Variants in SLCO5A1 observed in about 807,000 individuals in gnomAD.
SLCO5A1 encodes solute carrier organic anion transporter family member 5A1.
Under a neutral mutation model 65.1 loss-of-function variants are expected in SLCO5A1, and 39 were observed. The ratio of observed to expected loss-of-function variants is 0.60; its 90% CI spans 0.46 to 0.78. The LOEUF (loss-of-function observed/expected upper bound fraction) is 0.78. SLCO5A1 is among the 30% of genes least tolerant of loss of function. The probability of loss-of-function intolerance (pLI) is 0.00; values close to 1 mark genes in which losing one functional copy is unlikely to be tolerated. For missense variants in SLCO5A1, 1,029 were observed against 1,069.4 expected (o/e 0.96, Z 0.53); for synonymous variants, 438 against 415.7 (o/e 1.05, Z -0.65).
intron 5 of SLCO5A1, among the ~76,000 whole-genome samples, chr8:69,734,989 C>A (rs936441240): frequency 2.0e-5 from 3 of 152,096 alleles, no homozygotes; most frequent in Non-Finnish European, 4.4e-5. Flanking sequence ...AAACAAACAA[C>A]CCCATTGAAA....
At chr8:69,768,686 T>G (rs1045251478) in intron 2 of SLCO5A1, among the ~76,000 whole-genome samples, 9 of 152,134 alleles carry the variant, frequency 5.9e-5, no homozygotes, top group Admixed American at 5.9e-4. Context: ...CCTCTTCTTA[T>G]AAGGACCTCA....
At chr8:69,802,392 G>C (rs932349695) in intron 2 of SLCO5A1, among the ~76,000 whole-genome samples, 1 of 151,976 alleles carries the variant, frequency 6.6e-6, no homozygotes, top group African/African-American at 2.4e-5. Flanking sequence ...TGCAGTCCCA[G>C]CTACTCGGGA....
chr8:69,734,487 T>C (rs575402218), intron 5 of SLCO5A1, among the ~76,000 whole-genome samples: 1 of 152,234 alleles, frequency 6.6e-6, no homozygotes, highest in African/African-American at 2.4e-5. Context: ...TTTAGACAGC[T>C]TTTTCTAATG....
At chr8:69,705,427 C>T (rs554097998) in intron 5 of SLCO5A1, among the ~76,000 whole-genome samples, 198 bp from the exon 6 acceptor site, 2 of 152,230 alleles carry the variant, frequency 1.3e-5, no homozygotes, top group Non-Finnish European at 2.9e-5. Context: ...ATCCAGATTT[C>T]AATAAAAACT....
chr8:69,679,258 T>C, intron 8 of SLCO5A1, 120 bp downstream of exon 8: 1 of 1,394,654 alleles, frequency 7.2e-7, no homozygotes, highest in Non-Finnish European at 9.9e-7. Context: ...CTGAGCGCCC[T>C]CCTGCACATG....
intron 4 of SLCO5A1, among the ~76,000 whole-genome samples, chr8:69,746,802 G>C (rs913601473): frequency 6.6e-6 from 1 of 152,104 alleles, no homozygotes; most frequent in Admixed American, 6.5e-5. Context: ...TTCTTAAAAA[G>C]CTTGCCAGCC....
At chr8:69,715,713 C>T (rs1301545324) in intron 5 of SLCO5A1, among the ~76,000 whole-genome samples, 3 of 152,144 alleles carry the variant, frequency 2.0e-5, no homozygotes, top group Admixed American at 2.0e-4. Context: ...CTTGAGAAAC[C>T]ATATTAATTC....
intron 2 of SLCO5A1, among the ~76,000 whole-genome samples, chr8:69,775,428 C>G (rs1818516989): frequency 6.6e-6 from 1 of 152,078 alleles, no homozygotes. Flanking sequence ...CAAACCTGCA[C>G]ATTGTGCACA....
At chr8:69,681,599 A>G (rs1395430971) in intron 7 of SLCO5A1, among the ~76,000 whole-genome samples, 1 of 152,226 alleles carries the variant, frequency 6.6e-6, no homozygotes, top group East Asian at 1.9e-4. Flanking sequence ...ATCTCAAAAA[A>G]AAGAAACAGT....
intron 2 of SLCO5A1, among the ~76,000 whole-genome samples, chr8:69,811,323 C>G (rs1334201575): frequency 6.6e-6 from 1 of 152,170 alleles, no homozygotes; most frequent in Non-Finnish European, 1.5e-5. Context: ...TTACCAGAAG[C>G]CCATAGCAAG....
intron 8 of SLCO5A1, among the ~76,000 whole-genome samples, chr8:69,678,941 C>T (rs6998522): frequency 0.039 from 5,973 of 152,226 alleles, 407 homozygotes; most frequent in African/African-American, 0.14. Context: ...ATCCTGAAGG[C>T]AGTAACTATC....
intron 6 of SLCO5A1, among the ~76,000 whole-genome samples, chr8:69,685,901 G>T (rs770537638): frequency 8.5e-5 from 13 of 152,106 alleles, no homozygotes; most frequent in Non-Finnish European, 1.9e-4. Flanking sequence ...CAAGACAGAT[G>T]ATTGTTAAAC....
chr8:69,762,217 T>C (rs34411340), intron 2 of SLCO5A1, among the ~76,000 whole-genome samples: 35,526 of 145,980 alleles, frequency 0.24, 5,994 homozygotes, highest in African/African-American at 0.48. Context: ...GACAGAGTCT[T>C]GCTCTGTCAC....
intron 2 of SLCO5A1, among the ~76,000 whole-genome samples, chr8:69,791,787 C>A (rs532297071): frequency 1.1e-3 from 167 of 152,270 alleles, no homozygotes; most frequent in Admixed American, 2.7e-3. Context: ...AAATCCTATA[C>A]CCAAGAATTT....
intron 5 of SLCO5A1, among the ~76,000 whole-genome samples, chr8:69,706,087 T>C (rs1374202859): frequency 6.6e-6 from 1 of 152,226 alleles, no homozygotes; most frequent in Admixed American, 6.5e-5. Flanking sequence ...GGATTGCTTC[T>C]ATACACTCAT....
At chr8:69,678,528 A>G (rs983413249) in intron 8 of SLCO5A1, among the ~76,000 whole-genome samples, 1 of 152,348 alleles carries the variant, frequency 6.6e-6, no homozygotes, top group Non-Finnish European at 1.5e-5. Context: ...CTTAGAATGT[A>G]TATAAGCTCT....
At chr8:69,769,170 A>G (rs1430421999) in intron 2 of SLCO5A1, among the ~76,000 whole-genome samples, 1 of 152,164 alleles carries the variant, frequency 6.6e-6, no homozygotes, top group Non-Finnish European at 1.5e-5. Context: ...CCACTGCTTC[A>G]CTGAGGACTC....
chr8:69,703,467 G>A (rs189995888), intron 6 of SLCO5A1, among the ~76,000 whole-genome samples: 2 of 152,316 alleles, frequency 1.3e-5, no homozygotes, highest in African/African-American at 4.8e-5. Context: ...ACTCACTTGT[G>A]ACCGGGAGTT....
intron 5 of SLCO5A1, chr8:69,714,980 C>T (rs979259075): frequency 6.6e-5 from 10 of 152,192 alleles, no homozygotes; most frequent in African/African-American, 1.9e-4. Context: ...TTTCAGGTTT[C>T]TGTAAAGCTC....
Sources: allele counts gnomAD v4.1 joint callset (sites outside exome capture counted in the v4.1 genomes callset), GRCh38; gene constraint gnomAD v4.1.1; transcripts MANE v1.5; gene names NCBI Gene and HGNC (gene_info 2026-07-23, HGNC 2026-07-21).